Variants in HTRA1 observed in about 807,000 individuals in gnomAD.
HTRA1 encodes serine protease HTRA1.
HTRA1 carries 26 observed loss-of-function variants against 49.7 expected under a neutral mutation model. The observed-to-expected ratio is 0.52, with a 90% confidence interval of 0.38 to 0.73. The LOEUF (loss-of-function observed/expected upper bound fraction) is 0.73, where lower values mean the gene tolerates loss of function less well. Among genes scored for constraint, HTRA1 ranks in the 30% least tolerant of loss-of-function variants. HTRA1 has a pLI of 0.00. For missense variants in HTRA1, 561 were observed against 667.2 expected (o/e 0.84, Z 1.75); for synonymous variants, 291 against 286.9 (o/e 1.01, Z -0.14).
At chr10:122,486,845 AGT>A (rs1443574973) in intron 1 of HTRA1, among the ~76,000 whole-genome samples, 4 of 151,784 alleles carry the variant, frequency 2.6e-5, no homozygotes, top group African/African-American at 4.8e-5. Context: ...TGTGTGTGGA[AGT>A]GTGTATAGGT....
chr10:122,507,495 G>A, intron 5 of HTRA1, 93 bp downstream of exon 5: 6 of 992,162 alleles, frequency 6.0e-6, no homozygotes, highest in Non-Finnish European at 9.7e-6. Flanking sequence ...TGTTTTTGAG[G>A]CAGGGGGTCT....
chr10:122,479,912 GA>G (rs1378307449), intron 1 of HTRA1, among the ~76,000 whole-genome samples: 1 of 152,156 alleles, frequency 6.6e-6, no homozygotes, highest in Non-Finnish European at 1.5e-5. Context: ...GGGATTCTTG[GA>G]AGCTTCAGAA....
At position 122,487,631 on chromosome 10, in the gene HTRA1, G is replaced by A. The variant is rs949979965; in HGVS notation, c.473-1271G>A. On this transcript the variant is annotated intron_variant, in intron 1 of 8. Transcript: ENST00000368984. This position sits in a 1 kb window ranked among gnomAD's most constrained non-coding sequence, Gnocchi z 4.8. ...ATGCATCACTGAGCAACAGGGATAC[G>A]TTCTGAGAAATGCGTCGTTAGGCGA... 6.6e-6 allele frequency among the ~76,000 whole-genome samples: 1 copy of A among 152,172 alleles called. No individual in the cohort carries two copies. Among genetic ancestry groups the A allele is most frequent in the Non-Finnish European group, 1.5e-5 (1 of 68,034 alleles).
At chr10:122,472,369 CTATTATTATTATTATTATTATTAT>C (rs56115456) in intron 1 of HTRA1, among the ~76,000 whole-genome samples, 1 of 141,820 alleles carries the variant, frequency 7.1e-6, no homozygotes, top group Non-Finnish European at 1.5e-5. Flanking sequence ...TTCTTTATTA[CTATTATTATTATTATTATTATTAT>C]TATTATTATT....
rs201895183 is a variant in HTRA1 at position 122,511,737 on chromosome 10, AAAAAAAAATAAAT to A, written c.1179-216_1179-204del. Among the ~76,000 whole-genome samples the A allele has an allele frequency of 0.29, 42,722 of 148,490 alleles. 6,547 individuals carry two copies. Among genetic ancestry groups the A allele is most frequent in the Admixed American group, 0.41 (6,026 of 14,830 alleles). On this transcript the variant is annotated intron_variant, in intron 7 of 8. Transcript: ENST00000368984. The stretch of plus-strand genomic sequence containing the variant: ...GACAGAGCAAGACTCTGTCTCAAAA[AAAAAAAAATAAAT>A]AAAAAAAATAAATAAATAATAAAGC...
chr10:122,479,989 G>T (rs1049978182), intron 1 of HTRA1, among the ~76,000 whole-genome samples: 1 of 152,134 alleles, frequency 6.6e-6, no homozygotes, highest in African/African-American at 2.4e-5. Flanking sequence ...CCAGCTCTGG[G>T]CTGAGAGCTG....
intron 1 of HTRA1, among the ~76,000 whole-genome samples, chr10:122,475,053 G>C (rs897479569): frequency 3.9e-5 from 6 of 152,180 alleles, no homozygotes; most frequent in Non-Finnish European, 7.3e-5. Context: ...ACAGTGAGGG[G>C]TTCACAGCCA....
intron 1 of HTRA1, among the ~76,000 whole-genome samples, chr10:122,480,145 G>A (rs2097490335): frequency 6.6e-6 from 1 of 152,216 alleles, no homozygotes; most frequent in African/African-American, 2.4e-5. Context: ...GGCTGAAGCA[G>A]GGACATTCAT....
intron 1 of HTRA1, 50 bp downstream of exon 1, chr10:122,462,174 G>C: frequency 7.0e-7 from 1 of 1,429,066 alleles, no homozygotes; most frequent in Non-Finnish European, 9.5e-7. Flanking sequence ...ATCCCAGCTC[G>C]GACCTGCTTC....
At chr10:122,479,166 A>T (rs1171479527) in intron 1 of HTRA1, among the ~76,000 whole-genome samples, 1 of 152,144 alleles carries the variant, frequency 6.6e-6, no homozygotes, top group Non-Finnish European at 1.5e-5. Flanking sequence ...GGAAGCGGGG[A>T]TTGTTCTGGC....
At position 122,514,257 on chromosome 10, in the gene HTRA1, T is replaced by G. The variant is rs1232454044; in HGVS notation, c.1341T>G (p.Asp447Glu). The change falls in exon 9 of 9, where the codon GAT becomes GAG. Residue 447 changes from aspartate to glutamate, a missense_variant. Asp to Glu is a conservative substitution (Grantham distance 45). This residue lies in a region of HTRA1 where 179 missense variants were observed against 173.4 expected (regional missense o/e 1.03). Coordinates refer to ENST00000368984, the MANE Select transcript of HTRA1 (RefSeq NM_002775.5). ...GACAGTCCGTGGTCTCCGCCAATGA[T>G]GTCAGCGACGTCATTAAAAGGGAAA... The part of the protein sequence containing the change: ...INGQSVVSAN[D>E]VSDVIKREST... 15 of 1,613,702 alleles carry G rather than the reference T, an allele frequency of 9.3e-6. No individual in the cohort carries two copies. The highest frequency in any genetic ancestry group is 1.3e-5 in the Non-Finnish European group (15 of 1,179,630).
chr10:122,467,959 G>GT (rs1004378078), intron 1 of HTRA1, among the ~76,000 whole-genome samples: 1 of 152,196 alleles, frequency 6.6e-6, no homozygotes, highest in African/African-American at 2.4e-5. Context: ...CAGGACAGAA[G>GT]TAAGTGGCTG....
chr10:122,499,346 T>C (rs1428378106), intron 3 of HTRA1, among the ~76,000 whole-genome samples: 1 of 152,132 alleles, frequency 6.6e-6, no homozygotes, highest in East Asian at 1.9e-4. Context: ...ATCAAAAACA[T>C]TGTGATAGGT....
In HTRA1 at chr10:122,490,821, C is replaced by T. The variant is rs1346025130; in HGVS notation, c.777+1195C>T. ...TGGTAGGATTCCGGGTCTCCTTCTC[C>T]GTCTTTTTATAACATCAAGTTGCTG... On this transcript the variant is annotated intron_variant, in intron 3 of 8. Transcript: ENST00000368984. The surrounding 1 kb of genome is among the most constrained non-coding windows in gnomAD (Gnocchi z 4.2). 6.6e-6 allele frequency among the ~76,000 whole-genome samples: 1 copy of T among 152,174 alleles called. No individual in the cohort carries two copies. The highest frequency in any genetic ancestry group is 1.5e-5 in the Non-Finnish European group (1 of 68,038).
chr10:122,496,672 G>T (rs1275252751), intron 3 of HTRA1, among the ~76,000 whole-genome samples: 1 of 152,160 alleles, frequency 6.6e-6, no homozygotes, highest in East Asian at 1.9e-4. Context: ...AATCTTATCT[G>T]AGGGGGTGAC....
At chr10:122,512,854 C>G (rs2097506245) in intron 8 of HTRA1, among the ~76,000 whole-genome samples, 1 of 152,144 alleles carries the variant, frequency 6.6e-6, no homozygotes, top group Non-Finnish European at 1.5e-5. Flanking sequence ...TCATCCCTGT[C>G]CCAGCCTTTC....
chr10:122,505,200 C>A (rs1241139671), intron 3 of HTRA1, among the ~76,000 whole-genome samples: 2 of 152,090 alleles, frequency 1.3e-5, no homozygotes, highest in African/African-American at 4.8e-5. Flanking sequence ...AAGCTCAGGC[C>A]CTCATCTAAA....
chr10:122,482,917 CAAAAAAAAAAAAA>C (rs59042439), intron 1 of HTRA1, among the ~76,000 whole-genome samples: 1 of 75,024 alleles, frequency 1.3e-5, no homozygotes, highest in African/African-American at 5.3e-5. Flanking sequence ...GACTCTGTCT[CAAAAAAAAAAAAA>C]AAAAAAAAAA....
At position 122,464,871 on chromosome 10, in the gene HTRA1, G is replaced by A. The variant is rs992559759; in HGVS notation, c.472+2747G>A. ...CCATGGACATGAGCCTTTTCTAGGG[G>A]TGCCACTTGACTAGAGGCCTGGAGT... On this transcript the variant is annotated intron_variant, in intron 1 of 8. Coordinates refer to ENST00000368984, the MANE Select transcript of HTRA1 (RefSeq NM_002775.5). This position sits in a 1 kb window ranked among gnomAD's most constrained non-coding sequence, Gnocchi z 4.8. Among the ~76,000 whole-genome samples the A allele has an allele frequency of 6.6e-6, 1 of 152,198 alleles. No individual in the cohort carries two copies. Among genetic ancestry groups the A allele is most frequent in the Non-Finnish European group, 1.5e-5 (1 of 68,038 alleles).
Sources: allele counts gnomAD v4.1 joint callset (sites outside exome capture counted in the v4.1 genomes callset), GRCh38; gene constraint gnomAD v4.1.1; regional missense constraint gnomAD v4.1.1; non-coding constraint Gnocchi (gnomAD v3.1); transcripts MANE v1.5; gene names NCBI Gene and HGNC (gene_info 2026-07-23, HGNC 2026-07-21).